The following STAT2 variants were observed in gnomAD, a reference collection of about 807,000 sequenced individuals.
The protein encoded by STAT2 is signal transducer and activator of transcription 2.
STAT2 carries 51 observed loss-of-function variants against 122.3 expected under a neutral mutation model. The observed-to-expected ratio is 0.42, with a 90% confidence interval of 0.33 to 0.53. The LOEUF (loss-of-function observed/expected upper bound fraction) is 0.53. STAT2 is among the 20% of genes least tolerant of loss of function. The pLI, the probability that STAT2 is intolerant of heterozygous loss-of-function variation, is 0.10. For synonymous variants in STAT2, 351 were observed against 394.9 expected, an observed-to-expected ratio of 0.89 and a Z score of 1.32; for missense variants, 736 against 1,010.3, an observed-to-expected ratio of 0.73 and a Z score of 3.68.
chr12:56,355,877 C>G (rs562740965), intron 3 of STAT2, 74 bp from the exon 4 acceptor site: 3 of 1,452,074 alleles, frequency 2.1e-6, no homozygotes, highest in Non-Finnish European at 2.9e-6. Flanking sequence ...ACCCTCCCCA[C>G]CAATGTCCAC....
At chr12:56,350,754 C>T (rs1477486529) in intron 11 of STAT2, 75 bp downstream of exon 11, 1 of 1,486,738 alleles carries the variant, frequency 6.7e-7, no homozygotes, top group African/African-American at 1.4e-5. Flanking sequence ...GCCCTAGGGC[C>T]CTGTTGTGAA....
intron 15 of STAT2, 80 bp from the exon 16 acceptor site, chr12:56,349,341 C>G (rs1197233507): frequency 3.1e-6 from 5 of 1,613,988 alleles, no homozygotes; most frequent in Non-Finnish European, 4.2e-6. Context: ...GAGTGCTAAC[C>G]CACCCCAAGA....
At chr12:56,359,284 A>G (rs754194533) in intron 1 of STAT2, among the ~76,000 whole-genome samples, 1 of 152,118 alleles carries the variant, frequency 6.6e-6, no homozygotes, top group Admixed American at 6.6e-5. Context: ...AGTTAAAAAA[A>G]TGATCAGGTG....
rs1029694815 is a variant in STAT2 at position 56,341,866 on chromosome 12, C to T, written c.*1523G>A. 6 of 152,218 alleles carry T rather than the reference C, an allele frequency of 3.9e-5. No individual in the cohort carries two copies. The highest frequency in any genetic ancestry group is 1.4e-4 in the African/African-American group (6 of 41,454). 9.4% of individuals were successfully genotyped at this position (152,218 alleles called of 1,614,324 possible). A position where few individuals can be genotyped will look rare whatever the true frequency, so the allele number is the denominator to read the frequency against. On this transcript the variant is annotated 3_prime_UTR_variant, in exon 24 of 24. Coordinates refer to ENST00000314128, the MANE Select transcript of STAT2 (RefSeq NM_005419.4). The stretch of plus-strand genomic sequence containing the variant: ...CAGACTTGGACTTTGTCCAGGTCCA[C>T]AACCAACGAATAGAAACCTTCCTTT...
rs1330928623 is a variant in STAT2, at chr12:56,350,855, T to C, written c.1068A>G (p.Ser356=). 6.2e-7 allele frequency: 1 copy of C among 1,614,088 alleles called. No homozygotes were observed. Among genetic ancestry groups the C allele is most frequent in the South Asian group, 1.1e-5 (1 of 91,080 alleles). Residue 356 remains serine (S), a synonymous_variant, in exon 11 of 24, where the codon TCA becomes TCG. Coordinates refer to ENST00000314128, the MANE Select transcript of STAT2 (RefSeq NM_005419.4). The stretch of plus-strand genomic sequence containing the variant: ...TGTCAATGGAGACTTCCACAGTCAG[T>C]GACTCATTGCCTTCCTGGAGTCTCA... ...LLVRLQEGNE[S]LTVEVSIDRN... is the part of the protein sequence containing the mutation.
At chr12:56,343,697 A>T in intron 23 of STAT2, 128 bp downstream of exon 23, 2 of 1,529,310 alleles carry the variant, frequency 1.3e-6, no homozygotes, top group East Asian at 4.5e-5. Flanking sequence ...ATTCCTAAAA[A>T]AAGGAATCAC....
intron 6 of STAT2, 144 bp downstream of exon 6, chr12:56,355,132 C>T: frequency 1.0e-6 from 1 of 982,064 alleles, no homozygotes; most frequent in Non-Finnish European, 1.5e-6. Context: ...CAAAGCACTT[C>T]CAGCTTTGCA....
intron 3 of STAT2, 130 bp downstream of exon 3, chr12:56,356,002 C>T (rs1879453927): frequency 2.9e-6 from 4 of 1,380,074 alleles, no homozygotes; most frequent in Admixed American, 4.2e-5. Context: ...CAAGTCCAGA[C>T]TCTGTCCTCC....
intron 3 of STAT2, 47 bp downstream of exon 3, chr12:56,356,085 T>A: frequency 3.1e-6 from 5 of 1,598,778 alleles, no homozygotes; most frequent in Non-Finnish European, 4.3e-6. Flanking sequence ...TACTCCTCTA[T>A]GCTCAGCTCC....
Position 56,354,459 on chromosome 12 carries a change from C to G in STAT2, c.782+7G>C, listed in dbSNP as rs200837081. ...GCGAGGACGAGGGTTGGGGTGGTACCTCTCACCATGTCTCCAGCTGTTCCA... is the reference window on the plus strand; with the variant it reads ...GCGAGGACGAGGGTTGGGGTGGTACGTCTCACCATGTCTCCAGCTGTTCCA... On this transcript the variant is annotated splice_region_variant and intron_variant, in intron 8 of 23. Coordinates refer to ENST00000314128, the MANE Select transcript of STAT2 (RefSeq NM_005419.4). 80 of 1,613,962 alleles carry G rather than the reference C, an allele frequency of 5.0e-5. No individual in the cohort carries two copies. The South Asian group carries it at 6.1e-4, about 12-fold the overall frequency.
intron 6 of STAT2, 150 bp downstream of exon 6, chr12:56,355,126 G>A: frequency 3.3e-6 from 3 of 914,714 alleles, no homozygotes; most frequent in Non-Finnish European, 5.0e-6. Context: ...CCTCCACAAA[G>A]CACTTCCAGC....
At chr12:56,358,199 TTATTACAGCATGA>T (rs925730732) in intron 1 of STAT2, among the ~76,000 whole-genome samples, 5 of 152,128 alleles carry the variant, frequency 3.3e-5, no homozygotes, top group African/African-American at 1.2e-4. Flanking sequence ...TGTTAAGTAT[TTATTACAGCATGA>T]TCCCTGCTGG....
chr12:56,348,542 G>C lies in STAT2; in HGVS notation c.1711C>G (p.Leu571Val). The C allele has an allele frequency of 6.2e-7, 1 of 1,614,158 alleles. No homozygotes were observed. Among genetic ancestry groups the C allele is most frequent in the African/African-American group, 1.3e-5 (1 of 75,036 alleles). The change falls in exon 19 of 24, where the codon CTC becomes GTC. Residue 571 changes from leucine (L) to valine (V), a missense_variant. Physicochemically the swap from Leu to Val is conservative, Grantham distance 32 (BLOSUM62 1). Transcript: ENST00000314128. ...CCAAGGCCTTACCCATCATTCCAGAGATCCTTCAGGTGGTCATGTACCAAC... is the reference window on the plus strand; with the variant it reads ...CCAAGGCCTTACCCATCATTCCAGACATCCTTCAGGTGGTCATGTACCAAC... ...LELVHDHLKD[L>V]WNDGRIMGFV...
intron 7 of STAT2, 21 bp downstream of exon 7, chr12:56,354,757 G>T: frequency 1.2e-6 from 2 of 1,614,042 alleles, no homozygotes; most frequent in South Asian, 2.2e-5. Flanking sequence ...TTGCCCACAT[G>T]TTCTGTCCTC....
At position 56,346,811 on chromosome 12, in the gene STAT2, C is replaced by A. The variant is rs1246010860; in HGVS notation, c.1861+8G>T. On this transcript the variant is annotated splice_region_variant and intron_variant, in intron 20 of 23. Transcript: ENST00000314128. The stretch of plus-strand genomic sequence containing the variant: ...AGGCTGTGGGAATGGCAGGGCAGAG[C>A]AGCTGACCATCATCCTGGTGCTCCA... The A allele has an allele frequency of 1.2e-6, 2 of 1,613,982 alleles. No individual in the cohort carries two copies. Among genetic ancestry groups the A allele is most frequent in the East Asian group, 2.2e-5 (1 of 44,894 alleles).
chr12:56,347,045 C>T, intron 19 of STAT2, 90 bp from the exon 20 acceptor site: 3 of 1,545,002 alleles, frequency 1.9e-6, no homozygotes, highest in Non-Finnish European at 2.6e-6. Context: ...GGAGAAACAG[C>T]CCAGGTTTGG....
At chr12:56,352,403 A>T (rs1344782847) in intron 8 of STAT2, 1 of 141,330 alleles carries the variant, frequency 7.1e-6, no homozygotes, top group Non-Finnish European at 1.5e-5. Flanking sequence ...GGTTTCTGGC[A>T]AAAACCTGAA....
rs763090413 is a variant in STAT2, at chr12:56,350,881, C to T, written c.1042G>A (p.Val348Met). 2.5e-6 allele frequency: 4 copies of T among 1,613,970 alleles called. No homozygotes were observed. The highest frequency in any genetic ancestry group is 3.3e-4 in the Middle Eastern group (2 of 6,054). The change falls in exon 11 of 24, where the codon GTG becomes ATG. Residue 348 changes from valine (V) to methionine (M), a missense_variant. Physicochemically the swap from Val to Met is conservative, Grantham distance 21 (BLOSUM62 1). Coordinates refer to ENST00000314128, the MANE Select transcript of STAT2 (RefSeq NM_005419.4). ...GACTCATTGCCTTCCTGGAGTCTCA[C>T]CAGCAGCCTGGGGGAAGGAAGGGGG... The part of the protein sequence containing the change: ...SKFTVRTRLL[V>M]RLQEGNESLT...
chr12:56,343,381 T>G lies in STAT2; in HGVS notation c.*8A>C. On this transcript the variant is annotated 3_prime_UTR_variant, in exon 24 of 24. Coordinates refer to ENST00000314128, the MANE Select transcript of STAT2 (RefSeq NM_005419.4). ...AGAGATATGAAAAGAACAGAGGAAA[T>G]GTGGTTCCTAGAAGTCAGAAGGCAT... is the stretch of plus-strand genomic sequence containing the variant. The G allele has an allele frequency of 6.2e-7, 1 of 1,611,150 alleles. No individual in the cohort carries two copies.
Sources: allele counts gnomAD v4.1 joint callset (sites outside exome capture counted in the v4.1 genomes callset), GRCh38; gene constraint gnomAD v4.1.1; transcripts MANE v1.5; gene names NCBI Gene and HGNC (gene_info 2026-07-23, HGNC 2026-07-21).